Variants in AKAP12 observed in about 807,000 individuals in gnomAD.
AKAP12 encodes the protein A-kinase anchoring protein 12.
Under a neutral mutation model 79.9 loss-of-function variants are expected in AKAP12, and 32 were observed. That is an observed-to-expected ratio of 0.40 (90% CI 0.30 to 0.54). The LOEUF (loss-of-function observed/expected upper bound fraction) is 0.54. AKAP12 is among the 20% of genes least tolerant of loss of function. The probability of loss-of-function intolerance (pLI) is 0.48; values close to 1 mark genes in which losing one functional copy is unlikely to be tolerated. For synonymous variants in AKAP12, 808 were observed against 857.0 expected (o/e 0.94, Z 1.00); for missense variants, 2,074 against 2,177.0 (o/e 0.95, Z 0.94).
intron 2 of AKAP12, among the ~76,000 whole-genome samples, chr6:151,283,702 GAGAGAC>G (rs1776448580): frequency 6.6e-6 from 1 of 152,188 alleles, no homozygotes; most frequent in Non-Finnish European, 1.5e-5. Flanking sequence ...CTAAGAGAGG[GAGAGAC>G]AGAGACAGAA....
intron 2 of AKAP12, among the ~76,000 whole-genome samples, chr6:151,299,285 C>G (rs772666072): frequency 2.6e-5 from 4 of 152,100 alleles, no homozygotes; most frequent in Non-Finnish European, 4.4e-5. Flanking sequence ...ATTTATGAAC[C>G]CTGGCAAGCA....
At chr6:151,290,337 C>T (rs781020733) in intron 2 of AKAP12, among the ~76,000 whole-genome samples, 5 of 152,108 alleles carry the variant, frequency 3.3e-5, no homozygotes, top group African/African-American at 9.7e-5. Flanking sequence ...GACACCATGA[C>T]GAGCTCAGTC....
chr6:151,240,264 G>A (rs758727009), intron 1 of AKAP12, 120 bp from the exon 2 acceptor site: 28 of 256,118 alleles, frequency 1.1e-4, no homozygotes, highest in Non-Finnish European at 1.7e-4. Context: ...CAGCCTGGGG[G>A]CAGATGCTGC....
At chr6:151,290,460 G>A (rs1776593628) in intron 2 of AKAP12, among the ~76,000 whole-genome samples, 1 of 152,058 alleles carries the variant, frequency 6.6e-6, no homozygotes, top group Non-Finnish European at 1.5e-5. Context: ...GCCACTGGGT[G>A]TTACCCCAAA....
At position 151,240,536 on chromosome 6, in the gene AKAP12, T is replaced by G; in HGVS notation, c.-27T>G. 1 of 1,415,570 alleles carries G rather than the reference T, an allele frequency of 7.1e-7. No homozygotes were observed. The highest frequency in any genetic ancestry group is 9.2e-7 in the Non-Finnish European group (1 of 1,090,914). 87.7% of individuals were successfully genotyped at this position (1,415,570 alleles called of 1,614,324 possible). ...CTTGGGGAAGGCGTAACCCGGCGGC[T>G]AGGCGCGGGAGAAGTGCGGAGGAGC... On this transcript the variant is annotated 5_prime_UTR_variant, in exon 2 of 5. Coordinates refer to ENST00000402676, the MANE Select transcript of AKAP12 (RefSeq NM_005100.4).
At chr6:151,292,147 A>G (rs756326293) in intron 2 of AKAP12, among the ~76,000 whole-genome samples, 1 of 152,212 alleles carries the variant, frequency 6.6e-6, no homozygotes, top group Non-Finnish European at 1.5e-5. Context: ...TGTGCTACAA[A>G]TATTTGGAGT....
Position 151,349,763 on chromosome 6 carries a change from G to A in AKAP12, c.1372G>A (p.Glu458Lys), listed in dbSNP as rs145889127. The A allele has an allele frequency of 4.3e-6, 7 of 1,614,062 alleles. No individual in the cohort carries two copies. The highest frequency in any genetic ancestry group is 2.2e-5 in the East Asian group (1 of 44,872). The change falls in exon 4 of 5, where the codon GAA becomes AAA. Residue 458 changes from glutamate to lysine, a missense_variant. By Grantham distance (56) the Glu-to-Lys change is moderately conservative. This residue lies in a region of AKAP12 where 1,428 missense variants were observed against 1,451.0 expected (regional missense o/e 0.98). Coordinates refer to ENST00000402676, the MANE Select transcript of AKAP12 (RefSeq NM_005100.4). ...VEMDAEPQEA[E>K]PAKELVKLKE... The stretch of plus-strand genomic sequence containing the variant: ...AATGGATGCAGAACCTCAGGAAGCT[G>A]AACCTGCCAAGGAGCTGGTGAAGCT...
intron 2 of AKAP12, among the ~76,000 whole-genome samples, chr6:151,303,352 A>G (rs1275249267): frequency 6.6e-6 from 1 of 152,178 alleles, no homozygotes; most frequent in Non-Finnish European, 1.5e-5. Flanking sequence ...TTAAGTGGAA[A>G]TGTAATCTGA....
chr6:151,319,535 TATATAGATATAG>T lies in AKAP12; in HGVS notation c.319+13638_319+13649del, dbSNP rs1156878344. Reference sequence around the variant, plus strand: ...AGATATATCTCTATATAGATATATATATATAGATATAGATATATATATCTATATAGAGATATA... The same window carrying T: ...AGATATATCTCTATATAGATATATATATATATATATCTATATAGAGATATA... On this transcript the variant is annotated intron_variant, in intron 3 of 4. Coordinates refer to ENST00000402676, the MANE Select transcript of AKAP12 (RefSeq NM_005100.4). 2.2e-3 allele frequency: 191 copies of T among 88,714 alleles called. 1 individual carries two copies. Among genetic ancestry groups the T allele is most frequent in the African/African-American group, 0.01 (176 of 17,304 alleles). 5.5% of individuals were successfully genotyped at this position (88,714 alleles called of 1,614,324 possible).
intron 2 of AKAP12, among the ~76,000 whole-genome samples, chr6:151,255,408 G>C (rs1294175): frequency 0.5 from 76,327 of 151,832 alleles, 19,589 homozygotes; most frequent in East Asian, 0.64. Context: ...TGATCCACCT[G>C]CCTCGGCTTC....
rs537900837 is a variant in AKAP12, at chr6:151,338,949, T to C, written c.320-9762T>C. Among the ~76,000 whole-genome samples, 328 of 152,348 alleles carry C rather than the reference T, an allele frequency of 2.2e-3. 1 individual carries two copies. Among genetic ancestry groups the C allele is most frequent in the African/African-American group, 7.6e-3 (318 of 41,582 alleles). ...CTCTCCTCTCCTCCATTTAGCACTT[T>C]AGCACCCATTGATTCTTGCTTTATC... On this transcript the variant is annotated intron_variant, in intron 3 of 4. Transcript: ENST00000402676.
chr6:151,249,769 G>C (rs1380133443), intron 2 of AKAP12, among the ~76,000 whole-genome samples: 3 of 152,118 alleles, frequency 2.0e-5, no homozygotes, highest in Non-Finnish European at 2.9e-5. Flanking sequence ...TTTTTCTGCT[G>C]TGTCTATTTG....
Position 151,304,488 on chromosome 6 carries a change from C to CAAAAAAAAAAA in AKAP12, c.163-1238_163-1228dup, listed in dbSNP as rs1157088954. On this transcript the variant is annotated intron_variant, in intron 2 of 4. Transcript: ENST00000402676. ...TGGGTGAAACAGTGACACTCCATCT[C>CAAAAAAAAAAA]AAAAAAAAAAAAAAAAAAAAAAAAA... Among the ~76,000 whole-genome samples the CAAAAAAAAAAA allele has an allele frequency of 6.4e-3, 296 of 45,994 alleles. 42 individuals carry two copies. Among genetic ancestry groups the CAAAAAAAAAAA allele is most frequent in the East Asian group, 0.024 (26 of 1,072 alleles). 30.2% of individuals were successfully genotyped at this position (45,994 alleles called of 152,430 possible). A position where few individuals can be genotyped will look rare whatever the true frequency, so the allele number is the denominator to read the frequency against.
chr6:151,348,680 T>TCATC, intron 3 of AKAP12, 31 bp from the exon 4 acceptor site: 1 of 355,202 alleles, frequency 2.8e-6, no homozygotes, highest in Non-Finnish European at 5.5e-6. Flanking sequence ...TTTTCTCTTC[T>TCATC]CCCCACCCCC....
chr6:151,332,613 G>A (rs1777704488), intron 3 of AKAP12, among the ~76,000 whole-genome samples: 1 of 152,202 alleles, frequency 6.6e-6, no homozygotes, highest in African/African-American at 2.4e-5. Flanking sequence ...GATGTCGAAA[G>A]CCCTGTCAAT....
At chr6:151,338,050 A>G (rs901267629) in intron 3 of AKAP12, among the ~76,000 whole-genome samples, 7 of 152,210 alleles carry the variant, frequency 4.6e-5, no homozygotes, top group Non-Finnish European at 8.8e-5. Flanking sequence ...AAATTAGGGA[A>G]GCATTTGAAA....
intron 3 of AKAP12, among the ~76,000 whole-genome samples, chr6:151,335,065 C>T (rs73619285): frequency 0.015 from 2,224 of 152,224 alleles, 42 homozygotes; most frequent in African/African-American, 0.05. Context: ...ATTTTATACT[C>T]GGGAATGTTT....
Position 151,356,060 on chromosome 6 carries a change from A to G in AKAP12, c.*346A>G, listed in dbSNP as rs561711097. The G allele has an allele frequency of 1.5e-4, 23 of 152,618 alleles. No homozygotes were observed. The highest frequency in any genetic ancestry group is 5.3e-4 in the African/African-American group (22 of 41,524). 9.5% of individuals were successfully genotyped at this position (152,618 alleles called of 1,614,324 possible). A position where few individuals can be genotyped will look rare whatever the true frequency, so the allele number is the denominator to read the frequency against. On this transcript the variant is annotated 3_prime_UTR_variant, in exon 5 of 5. Coordinates refer to ENST00000402676, the MANE Select transcript of AKAP12 (RefSeq NM_005100.4). ...CTGGAGTATCATTCTTTACATATTT[A>G]TATGTATGTTTTAAGTAGTCCTCCT...
At chr6:151,276,092 G>C (rs1776286972) in intron 2 of AKAP12, among the ~76,000 whole-genome samples, 1 of 152,190 alleles carries the variant, frequency 6.6e-6, no homozygotes. Context: ...TCAGATTGGA[G>C]TTTTGTGTGT....
Sources: allele counts gnomAD v4.1 joint callset (sites outside exome capture counted in the v4.1 genomes callset), GRCh38; gene constraint gnomAD v4.1.1; regional missense constraint gnomAD v4.1.1; transcripts MANE v1.5; gene names NCBI Gene and HGNC (gene_info 2026-07-23, HGNC 2026-07-21).